Variants in CUL1 observed in about 807,000 individuals in gnomAD.
CUL1 encodes the protein cullin 1, also known as cullin-1.
A neutral mutation model predicts 118.0 loss-of-function variants in CUL1; 24 were observed. That is an observed-to-expected ratio of 0.20 (90% CI 0.15 to 0.29). CUL1 has a LOEUF of 0.29. Ranked by LOEUF, CUL1 falls within the 10% of genes least tolerant of loss-of-function variation. CUL1 has a pLI of 1.00. For synonymous variants in CUL1, 332 were observed against 340.4 expected (o/e 0.98, Z 0.27); for missense variants, 361 against 933.8 (o/e 0.39, Z 7.99).
At position 148,708,318 on chromosome 7, in the gene CUL1, A is replaced by G. The variant is rs111709880; in HGVS notation, c.-162+9289A>G. Among the ~76,000 whole-genome samples, 22 of 152,228 alleles carry G rather than the reference A, an allele frequency of 1.4e-4. 1 individual carries two copies. Among genetic ancestry groups the G allele is most frequent in the South Asian group, 6.2e-4 (3 of 4,818 alleles). On this transcript the variant is annotated intron_variant, in intron 1 of 21. Transcript: ENST00000325222. ...TTTTGCTCCCTAGACCATATCCGAC[A>G]TCTCTATTTCTAGCGTTGTGTCAGA...
chr7:148,710,808 C>T (rs1274529924), intron 1 of CUL1, among the ~76,000 whole-genome samples: 2 of 151,892 alleles, frequency 1.3e-5, no homozygotes, highest in African/African-American at 4.8e-5. Context: ...GGATTAAAGG[C>T]GCCCACCACC....
intron 3 of CUL1, among the ~76,000 whole-genome samples, chr7:148,756,124 A>G (rs1465886183): frequency 1.3e-5 from 2 of 152,252 alleles, no homozygotes; most frequent in South Asian, 2.1e-4. Flanking sequence ...TTGTGACTCA[A>G]GTTGTGGAAA....
intron 7 of CUL1, among the ~76,000 whole-genome samples, chr7:148,762,365 G>A (rs546248183): frequency 1.7e-4 from 26 of 152,296 alleles, no homozygotes; most frequent in Non-Finnish European, 3.7e-4. Context: ...GAAAGTCCTT[G>A]ACAAATCTCT....
At chr7:148,758,091 G>A (rs904657492) in intron 4 of CUL1, among the ~76,000 whole-genome samples, 2 of 152,158 alleles carry the variant, frequency 1.3e-5, no homozygotes, top group Non-Finnish European at 2.9e-5. Flanking sequence ...CCTCATCCTA[G>A]ACTTAAAGAG....
At chr7:148,777,004 C>T (rs930936077) in intron 9 of CUL1, among the ~76,000 whole-genome samples, 2 of 152,214 alleles carry the variant, frequency 1.3e-5, no homozygotes, top group African/African-American at 4.8e-5. Context: ...CAAAGTTTAA[C>T]ATTTTCGTCT....
chr7:148,728,788 A>G (rs1049224842), intron 1 of CUL1, among the ~76,000 whole-genome samples: 31 of 152,368 alleles, frequency 2.0e-4, no homozygotes, highest in African/African-American at 7.2e-4. Flanking sequence ...TTACTCCTTA[A>G]GCATGACCTC....
intron 2 of CUL1, among the ~76,000 whole-genome samples, chr7:148,732,691 T>TGGGTTATTTTTGCTCATAAGGC (rs1471145413): frequency 6.6e-6 from 1 of 152,130 alleles, no homozygotes; most frequent in Non-Finnish European, 1.5e-5. Flanking sequence ...CTTTTTCTGA[T>TGGGTTATTTTTGCTCATAAGGC]GGGTTATTTT....
chr7:148,777,836 C>T (rs535735512), intron 9 of CUL1, among the ~76,000 whole-genome samples: 1 of 151,608 alleles, frequency 6.6e-6, no homozygotes, highest in South Asian at 2.1e-4. Context: ...GAGGCTGAGT[C>T]GGGTGGATCA....
intron 17 of CUL1, among the ~76,000 whole-genome samples, chr7:148,793,725 A>G: frequency 6.6e-6 from 1 of 152,238 alleles, no homozygotes; most frequent in Non-Finnish European, 1.5e-5. Context: ...AATTATGAAC[A>G]ATGCTGCTGT....
intron 1 of CUL1, among the ~76,000 whole-genome samples, chr7:148,700,980 A>T: frequency 6.6e-6 from 1 of 151,896 alleles, no homozygotes; most frequent in East Asian, 1.9e-4. Context: ...AGTTCATTAG[A>T]CTCTTGCCAC....
intron 3 of CUL1, among the ~76,000 whole-genome samples, chr7:148,754,714 C>T (rs2129460373): frequency 1.3e-5 from 2 of 151,720 alleles, no homozygotes; most frequent in Middle Eastern, 6.8e-3. Flanking sequence ...TGTGATCTTG[C>T]TCTTTACACA....
At chr7:148,715,467 A>G (rs1367141429) in intron 1 of CUL1, among the ~76,000 whole-genome samples, 1 of 152,272 alleles carries the variant, frequency 6.6e-6, no homozygotes, top group East Asian at 1.9e-4. Flanking sequence ...ACACTGTCGA[A>G]CTAAAAGTTT....
At chr7:148,798,450 A>G in intron 19 of CUL1, 122 bp from the exon 20 acceptor site, 2 of 686,838 alleles carry the variant, frequency 2.9e-6, no homozygotes, top group South Asian at 3.6e-5. Context: ...GCTCACAGAA[A>G]TCAACATTCT....
At chr7:148,796,371 T>C (rs537238571) in intron 17 of CUL1, among the ~76,000 whole-genome samples, 232 of 152,302 alleles carry the variant, frequency 1.5e-3, no homozygotes, top group Non-Finnish European at 2.6e-3. Context: ...AGCTTGCCGG[T>C]ATTTTCTCGA....
intron 2 of CUL1, among the ~76,000 whole-genome samples, chr7:148,737,642 C>T (rs1156283480): frequency 6.7e-6 from 1 of 150,164 alleles, no homozygotes; most frequent in Non-Finnish European, 1.5e-5. Context: ...ACTCTGTTGC[C>T]CAGGCTGGAG....
chr7:148,786,509 G>C (rs145588250), intron 11 of CUL1, 42 bp from the exon 12 acceptor site: 9 of 1,497,322 alleles, frequency 6.0e-6, no homozygotes, highest in East Asian at 2.3e-5. Context: ...TTGTTTAAAC[G>C]TACTGATGTT....
chr7:148,728,427 G>C (rs112318223), intron 1 of CUL1, among the ~76,000 whole-genome samples: 145 of 152,302 alleles, frequency 9.5e-4, no homozygotes, highest in African/African-American at 3.3e-3. Context: ...AAGTGATGGG[G>C]AAAGTAGGGT....
At chr7:148,725,219 G>GCACGCACACACACACACACACACA in intron 1 of CUL1, among the ~76,000 whole-genome samples, 3 of 140,060 alleles carry the variant, frequency 2.1e-5, no homozygotes, top group African/African-American at 8.5e-5. Flanking sequence ...ACACGCGCGC[G>GCACGCACACACACACACACACACA]CTCACACACA....
chr7:148,780,275 CAG>C (rs1376458815), intron 9 of CUL1, among the ~76,000 whole-genome samples: 1 of 152,164 alleles, frequency 6.6e-6, no homozygotes, highest in Non-Finnish European at 1.5e-5. Context: ...AAGAATGATG[CAG>C]AGACACTGGC....
Sources: allele counts gnomAD v4.1 joint callset (sites outside exome capture counted in the v4.1 genomes callset), GRCh38; gene constraint gnomAD v4.1.1; transcripts MANE v1.5; gene names NCBI Gene and HGNC (gene_info 2026-07-23, HGNC 2026-07-21).